SDCCAG8: variants seen among roughly 807,000 people sequenced by gnomAD.
The protein encoded by SDCCAG8 is SHH signaling and ciliogenesis regulator SDCCAG8, also known as serologically defined colon cancer antigen 8.
In SDCCAG8, 74 loss-of-function variants were observed where a neutral mutation model predicts 101.8. The ratio of observed to expected loss-of-function variants is 0.73; its 90% CI spans 0.60 to 0.88. The LOEUF (loss-of-function observed/expected upper bound fraction) is 0.88. Ranked by LOEUF, SDCCAG8 falls within the 40% of genes least tolerant of loss-of-function variation. The probability of loss-of-function intolerance (pLI) is 0.00; values close to 1 mark genes in which losing one functional copy is unlikely to be tolerated. For missense variants in SDCCAG8, 787 were observed against 822.6 expected (o/e 0.96, Z 0.53); for synonymous variants, 281 against 292.9 (o/e 0.96, Z 0.41).
chr1:243,489,308 G>A (rs373351858), intron 17 of SDCCAG8, among the ~76,000 whole-genome samples, 168 bp downstream of exon 17: 3 of 152,362 alleles, frequency 2.0e-5, no homozygotes, highest in South Asian at 4.1e-4. Flanking sequence ...CCAGAGAAGC[G>A]GAGCCATGGG....
chr1:243,316,780 C>T lies in SDCCAG8; in HGVS notation c.955C>T (p.Leu319=), dbSNP rs372404255. The change falls in exon 9 of 18, where the codon CTA becomes TTA. Residue 319 remains leucine, a synonymous_variant. Coordinates refer to ENST00000366541, the MANE Select transcript of SDCCAG8 (RefSeq NM_006642.5). ...AGAAAGAGATGACTTGATGTCTGCA[C>T]TAGTTTCCGTAAGGAGCAGCTTGGC... is the stretch of plus-strand genomic sequence containing the variant. The part of the protein sequence containing the change: ...VKERDDLMSA[L]VSVRSSLADT... The T allele has an allele frequency of 2.5e-6, 4 of 1,614,040 alleles. No homozygotes were observed. In the African/African-American group the frequency reaches 4.0e-5, roughly 16 times the overall value.
intron 16 of SDCCAG8, among the ~76,000 whole-genome samples, chr1:243,473,941 C>CGGG (rs1373725794): frequency 7.5e-4 from 15 of 19,990 alleles, no homozygotes; most frequent in African/African-American, 1.4e-3. Context: ...GGGGGGGGGC[C>CGGG]GGGGGAGTAC....
intron 12 of SDCCAG8, among the ~76,000 whole-genome samples, chr1:243,370,642 C>T (rs1196872727): frequency 6.6e-6 from 1 of 152,070 alleles, no homozygotes; most frequent in Non-Finnish European, 1.5e-5. Context: ...CTTCTTTAGA[C>T]ACATACTTTT....
chr1:243,378,868 TC>T lies in SDCCAG8; in HGVS notation c.1616+8del. On this transcript the variant is annotated splice_donor_region_variant and intron_variant, in intron 13 of 17. Coordinates refer to ENST00000366541, the MANE Select transcript of SDCCAG8 (RefSeq NM_006642.5). Reference sequence around the variant, plus strand: ...GCACCAACTGCACCTCACCAGGTACTCCCTAATCCCATTATGCGCCATAGCA... The same window carrying T: ...GCACCAACTGCACCTCACCAGGTACTCCTAATCCCATTATGCGCCATAGCA... 5 of 1,614,004 alleles carry T rather than the reference TC, an allele frequency of 3.1e-6. No individual in the cohort carries two copies. The highest frequency in any genetic ancestry group is 4.2e-6 in the Non-Finnish European group (5 of 1,179,942).
chr1:243,351,884 A>T (rs548814050), intron 12 of SDCCAG8, among the ~76,000 whole-genome samples: 1 of 152,322 alleles, frequency 6.6e-6, no homozygotes, highest in South Asian at 2.1e-4. Context: ...AAAAAAATAT[A>T]ATTCAATTTT....
At chr1:243,361,603 C>A (rs2076714908) in intron 12 of SDCCAG8, among the ~76,000 whole-genome samples, 1 of 152,208 alleles carries the variant, frequency 6.6e-6, no homozygotes, top group Non-Finnish European at 1.5e-5. Context: ...TCCACCCTTC[C>A]CCTGTCCATT....
Position 243,308,080 on chromosome 1 carries a change from C to CGTGTT in SDCCAG8, c.834_838dup (p.Gly280ValfsTer7). On this transcript the variant is annotated frameshift_variant, in exon 8 of 18. Transcript: ENST00000366541. LOFTEE classifies it high-confidence loss of function. ...TCTTCTGGCTGCTAATACTTGTAACCGTGTTGGTGGTCTTTGTTTGAAATG... is the reference window on the plus strand; with the variant it reads ...TCTTCTGGCTGCTAATACTTGTAACCGTGTTGTGTTGGTGGTCTTTGTTTGAAATG... 6.8e-6 allele frequency: 11 copies of CGTGTT among 1,614,126 alleles called. No homozygotes were observed. Among genetic ancestry groups the CGTGTT allele is most frequent in the Non-Finnish European group, 9.3e-6 (11 of 1,180,008 alleles).
At chr1:243,353,736 A>G (rs990064976) in intron 12 of SDCCAG8, among the ~76,000 whole-genome samples, 1 of 152,076 alleles carries the variant, frequency 6.6e-6, no homozygotes, top group African/African-American at 2.4e-5. Flanking sequence ...GGTTTTAGTA[A>G]CACTCAGAAT....
chr1:243,267,700 A>C, intron 1 of SDCCAG8: 1 of 790,866 alleles, frequency 1.3e-6, no homozygotes, highest in Non-Finnish European at 2.3e-6. Context: ...AGTCATGTGC[A>C]TAGGTTCCTG....
At chr1:243,463,410 C>T (rs1659518052) in intron 16 of SDCCAG8, among the ~76,000 whole-genome samples, 1 of 152,042 alleles carries the variant, frequency 6.6e-6, no homozygotes, top group South Asian at 2.1e-4. Flanking sequence ...GACTTAAGAC[C>T]CAAAATGAGA....
chr1:243,488,897 C>G, intron 16 of SDCCAG8, 117 bp from the exon 17 acceptor site: 1 of 1,475,596 alleles, frequency 6.8e-7, no homozygotes, highest in South Asian at 1.2e-5. Context: ...TCAGGGTCAC[C>G]CTAGGCGTCC....
At position 243,308,114 on chromosome 1, in the gene SDCCAG8, A is replaced by G. The variant is rs147807589; in HGVS notation, c.866A>G (p.His289Arg). ...GGTCTTTGTTTGAAATGTGCTCAGCATGAAGCTGTTCTTTCCCAAACCCAT... is the reference window on the plus strand; with the variant it reads ...GGTCTTTGTTTGAAATGTGCTCAGCGTGAAGCTGTTCTTTCCCAAACCCAT... ...VGGLCLKCAQHEAVLSQTHTN... is the reference protein window; with the variant it reads ...VGGLCLKCAQREAVLSQTHTN... Residue 289 changes from histidine (H) to arginine (R), a missense_variant, in exon 8 of 18, where the codon CAT (histidine) becomes CGT (arginine). Physicochemically the swap from His to Arg is conservative, Grantham distance 29. Coordinates refer to ENST00000366541, the MANE Select transcript of SDCCAG8 (RefSeq NM_006642.5). 1.4e-5 allele frequency: 22 copies of G among 1,614,208 alleles called. No individual in the cohort carries two copies. The East Asian group carries it at 1.6e-4, about 11-fold the overall frequency.
At chr1:243,479,652 T>C (rs1319239413) in intron 16 of SDCCAG8, among the ~76,000 whole-genome samples, 1 of 152,210 alleles carries the variant, frequency 6.6e-6, no homozygotes, top group Non-Finnish European at 1.5e-5. Context: ...TTTTCTCCTC[T>C]CATTTCACAT....
intron 12 of SDCCAG8, among the ~76,000 whole-genome samples, chr1:243,346,880 T>C (rs995890186): frequency 6.6e-6 from 1 of 152,050 alleles, no homozygotes; most frequent in Non-Finnish European, 1.5e-5. Context: ...ACACACACAC[T>C]CGATCAGGGG....
At chr1:243,396,977 A>G (rs2079069635) in intron 13 of SDCCAG8, among the ~76,000 whole-genome samples, 1 of 152,214 alleles carries the variant, frequency 6.6e-6, no homozygotes, top group African/African-American at 2.4e-5. Context: ...CGGTAAACAA[A>G]GTTCACTTCT....
chr1:243,275,272 TTC>T (rs879693132), intron 4 of SDCCAG8, among the ~76,000 whole-genome samples: 8 of 152,144 alleles, frequency 5.3e-5, no homozygotes, highest in Non-Finnish European at 8.8e-5. Context: ...ACTTTTTTTT[TTC>T]TGTTTCTTTC....
chr1:243,453,123 G>A (rs2083486984), intron 16 of SDCCAG8, among the ~76,000 whole-genome samples: 2 of 152,210 alleles, frequency 1.3e-5, no homozygotes, highest in Admixed American at 1.3e-4. Context: ...CGGAGTTGAT[G>A]AGATATCATG....
chr1:243,420,173 A>T (rs1360694203), intron 15 of SDCCAG8, among the ~76,000 whole-genome samples: 1 of 151,760 alleles, frequency 6.6e-6, no homozygotes. Context: ...TTTGAATCTC[A>T]CTCTCCCACT....
At chr1:243,447,270 A>AC (rs1389843521) in intron 16 of SDCCAG8, among the ~76,000 whole-genome samples, 2 of 150,876 alleles carry the variant, frequency 1.3e-5, no homozygotes, top group Non-Finnish European at 3.0e-5. Flanking sequence ...AAAAAAAAAA[A>AC]AAAAAACCAT....
Sources: allele counts gnomAD v4.1 joint callset (sites outside exome capture counted in the v4.1 genomes callset), GRCh38; gene constraint gnomAD v4.1.1; transcripts MANE v1.5; gene names NCBI Gene and HGNC (gene_info 2026-07-23, HGNC 2026-07-21).